Variants in GABRB1 observed in about 807,000 individuals in gnomAD.
GABRB1 encodes the protein gamma-aminobutyric acid type A receptor subunit beta1.
In GABRB1, 17 loss-of-function variants were observed where a neutral mutation model predicts 51.6. The ratio of observed to expected loss-of-function variants is 0.33; its 90% CI spans 0.23 to 0.49. The LOEUF (loss-of-function observed/expected upper bound fraction) is 0.49. GABRB1 is among the 20% of genes least tolerant of loss of function. GABRB1 has a pLI of 0.99. For synonymous variants in GABRB1, 247 were observed against 218.9 expected, an observed-to-expected ratio of 1.13 and a Z score of -1.14; for missense variants, 410 against 600.6, an observed-to-expected ratio of 0.68 and a Z score of 3.32.
intron 4 of GABRB1, among the ~76,000 whole-genome samples, chr4:47,306,512 G>A (rs921309506): frequency 1.8e-4 from 28 of 151,848 alleles, no homozygotes; most frequent in Non-Finnish European, 2.6e-4. Flanking sequence ...CCAAGGATGG[G>A]AGGAGGAATT....
intron 3 of GABRB1, among the ~76,000 whole-genome samples, chr4:47,148,845 A>C (rs941469872): frequency 6.6e-6 from 1 of 151,928 alleles, no homozygotes; most frequent in Admixed American, 6.6e-5. Context: ...AAATCTACCC[A>C]CGAACTGAAT....
chr4:47,320,187 C>G lies in GABRB1; in HGVS notation c.522C>G (p.Asn174Lys). ...DLRRYPLDEQ[N>K]CTLEIESYGY... is the part of the protein sequence containing the mutation. ...GAAGATATCCATTGGATGAGCAGAA[C>G]TGCACCCTGGAGATCGAAAGTTGTG... The change falls in exon 5 of 9, where the codon AAC becomes AAG. Residue 174 changes from asparagine to lysine, a missense_variant. Physicochemically the swap from Asn to Lys is moderately conservative, Grantham distance 94. Transcript: ENST00000295454. 3 of 1,603,576 alleles carry G rather than the reference C, an allele frequency of 1.9e-6. No individual in the cohort carries two copies. Among genetic ancestry groups the G allele is most frequent in the Non-Finnish European group, 2.6e-6 (3 of 1,170,242 alleles).
intron 5 of GABRB1, among the ~76,000 whole-genome samples, chr4:47,378,784 C>A (rs1225131914): frequency 6.7e-6 from 1 of 150,180 alleles, no homozygotes; most frequent in Non-Finnish European, 1.5e-5. Context: ...CTGCTCCCGG[C>A]CGGAGTTTTT....
chr4:47,140,461 A>G (rs1414066900), intron 3 of GABRB1, among the ~76,000 whole-genome samples: 2 of 151,956 alleles, frequency 1.3e-5, no homozygotes, highest in Non-Finnish European at 2.9e-5. Flanking sequence ...AATCTAGAAA[A>G]TCCCAAAAGA....
chr4:47,000,669 T>C (rs1482429157), intron 1 of GABRB1, among the ~76,000 whole-genome samples: 2 of 152,222 alleles, frequency 1.3e-5, no homozygotes, highest in African/African-American at 2.4e-5. Flanking sequence ...GTGCTTCAGA[T>C]AGACAGGGGG....
chr4:47,211,229 T>C (rs1311123598), intron 4 of GABRB1, among the ~76,000 whole-genome samples: 2 of 152,196 alleles, frequency 1.3e-5, no homozygotes, highest in Non-Finnish European at 2.9e-5. Flanking sequence ...CTACTCACTG[T>C]AGCTTAGCTG....
intron 4 of GABRB1, among the ~76,000 whole-genome samples, chr4:47,178,659 T>C (rs1401592336): frequency 1.3e-5 from 2 of 152,122 alleles, no homozygotes; most frequent in Non-Finnish European, 2.9e-5. Flanking sequence ...ATTCACCCCA[T>C]ATAAAAAGGG....
intron 3 of GABRB1, among the ~76,000 whole-genome samples, chr4:47,150,263 C>T (rs1437109563): frequency 7.2e-6 from 1 of 138,148 alleles, no homozygotes; most frequent in African/African-American, 2.8e-5. Flanking sequence ...TGACAAAAGC[C>T]AAGCTATCTA....
At chr4:47,260,928 A>G (rs1238139550) in intron 4 of GABRB1, among the ~76,000 whole-genome samples, 1 of 152,216 alleles carries the variant, frequency 6.6e-6, no homozygotes. Context: ...CCAGCATATA[A>G]ACAGAACCAA....
intron 8 of GABRB1, among the ~76,000 whole-genome samples, chr4:47,407,240 A>G (rs145403097): frequency 1.5e-3 from 232 of 152,354 alleles, no homozygotes; most frequent in African/African-American, 5.2e-3. Context: ...GTGAATATAC[A>G]TTGCATTCCT....
At chr4:47,032,759 T>C (rs771245846) in intron 3 of GABRB1, 46 of 660,386 alleles carry the variant, frequency 7.0e-5, no homozygotes, top group Admixed American at 2.1e-5. Context: ...GGGCGGAGTC[T>C]GAGCGTTACT....
At chr4:47,262,463 T>C (rs1426655470) in intron 4 of GABRB1, among the ~76,000 whole-genome samples, 1 of 152,114 alleles carries the variant, frequency 6.6e-6, no homozygotes, top group African/African-American at 2.4e-5. Flanking sequence ...TCACTGGCCA[T>C]CAGAGAAATG....
intron 3 of GABRB1, among the ~76,000 whole-genome samples, chr4:47,084,317 A>G (rs949028970): frequency 2.0e-5 from 3 of 152,214 alleles, no homozygotes; most frequent in Non-Finnish European, 4.4e-5. Context: ...TAAGCCATCA[A>G]CTGGTAATCA....
chr4:47,031,435 C>G (rs985695167), upstream of GABRB1: 11 of 570,940 alleles, frequency 1.9e-5, no homozygotes, highest in East Asian at 1.8e-4. Context: ...CTCTGACTAC[C>G]CGGAGGACAT....
intron 4 of GABRB1, among the ~76,000 whole-genome samples, chr4:47,313,571 A>G (rs1724781310): frequency 6.6e-6 from 1 of 152,094 alleles, no homozygotes; most frequent in South Asian, 2.1e-4. Flanking sequence ...AGCTGAACAG[A>G]ACTCTGCCCA....
At chr4:47,092,672 T>A (rs1420402058) in intron 3 of GABRB1, among the ~76,000 whole-genome samples, 1 of 151,742 alleles carries the variant, frequency 6.6e-6, no homozygotes, top group African/African-American at 2.4e-5. Context: ...TGGCGCTCTC[T>A]TGGCTCACTG....
intron 4 of GABRB1, among the ~76,000 whole-genome samples, chr4:47,253,351 G>A (rs1012797729): frequency 6.6e-6 from 1 of 152,228 alleles, no homozygotes; most frequent in Non-Finnish European, 1.5e-5. Flanking sequence ...ATAGTTTTAT[G>A]TAAGGAAGAC....
chr4:47,344,989 C>T (rs1204288254), intron 5 of GABRB1, among the ~76,000 whole-genome samples: 1 of 152,130 alleles, frequency 6.6e-6, no homozygotes, highest in Non-Finnish European at 1.5e-5. Flanking sequence ...TCCCAAAGTG[C>T]TGGGATTACA....
At chr4:47,362,089 C>T (rs370185939) in intron 5 of GABRB1, among the ~76,000 whole-genome samples, 6 of 151,970 alleles carry the variant, frequency 3.9e-5, no homozygotes, top group South Asian at 2.1e-4. Context: ...AAGGAGCTTC[C>T]GTATAAATAG....
Sources: allele counts gnomAD v4.1 joint callset (sites outside exome capture counted in the v4.1 genomes callset), GRCh38; gene constraint gnomAD v4.1.1; transcripts MANE v1.5; gene names NCBI Gene and HGNC (gene_info 2026-07-23, HGNC 2026-07-21).